Variants in MTUS2 observed in about 807,000 individuals in gnomAD.
MTUS2 encodes the protein microtubule-associated tumor suppressor candidate 2.
Under a neutral mutation model 114.1 loss-of-function variants are expected in MTUS2, and 40 were observed. The observed-to-expected ratio is 0.35, with a 90% CI of 0.27 to 0.46. The LOEUF is 0.46. MTUS2 is among the 20% of genes least tolerant of loss of function. The pLI is 1.00. For missense variants in MTUS2, 1,679 were observed against 1,705.4 expected (o/e 0.98, Z 0.27); for synonymous variants, 688 against 672.0 (o/e 1.02, Z -0.37).
At chr13:29,347,997 G>A (rs1868876959) in intron 7 of MTUS2, among the ~76,000 whole-genome samples, 1 of 125,762 alleles carries the variant, frequency 8.0e-6, no homozygotes, top group African/African-American at 2.6e-5. Context: ...GAGAGAGGTT[G>A]CTCCACCCTA....
chr13:29,077,195 A>G (rs1334911602), intron 4 of MTUS2, among the ~76,000 whole-genome samples: 1 of 152,128 alleles, frequency 6.6e-6, no homozygotes, highest in Admixed American at 6.6e-5. Flanking sequence ...TAGCCCTAAT[A>G]CTACAGAGTT....
intron 5 of MTUS2, among the ~76,000 whole-genome samples, chr13:29,168,888 C>CTCTGTGTGTGTGTGTG (rs1555246528): frequency 7.2e-6 from 1 of 138,382 alleles, no homozygotes; most frequent in Non-Finnish European, 1.5e-5. Flanking sequence ...CTTTATGAAT[C>CTCTGTGTGTGTGTGTG]TGTGTGTGTG....
At position 29,353,425 on chromosome 13, in the gene MTUS2, C is replaced by T. The variant is rs146359134; in HGVS notation, c.2906-5837C>T. 2.4e-3 allele frequency among the ~76,000 whole-genome samples: 360 copies of T among 152,240 alleles called. 5 individuals are homozygous for T. The East Asian group carries it at 0.035, about 15-fold the overall frequency. ...AAGCAATCTTCCTGCCTCAGCCTCCCAAAGTGCTGGGATTACAGACACACA... is the reference window on the plus strand; with the variant it reads ...AAGCAATCTTCCTGCCTCAGCCTCCTAAAGTGCTGGGATTACAGACACACA... On this transcript the variant is annotated intron_variant, in intron 7 of 15. Coordinates refer to ENST00000612955, the MANE Select transcript of MTUS2 (RefSeq NM_001033602.4).
chr13:29,346,646 C>T (rs867331798), intron 7 of MTUS2, among the ~76,000 whole-genome samples: 2 of 125,068 alleles, frequency 1.6e-5, no homozygotes, highest in Non-Finnish European at 1.6e-5. Context: ...AGCTTCTGTG[C>T]GCCTGTCTGT....
intron 5 of MTUS2, among the ~76,000 whole-genome samples, chr13:29,259,915 A>G (rs1856226294): frequency 6.6e-6 from 1 of 152,216 alleles, no homozygotes; most frequent in Non-Finnish European, 1.5e-5. Flanking sequence ...ATGAGAACAC[A>G]GGTTGAGGCA....
rs116883956 is a variant in MTUS2 at position 29,367,819 on chromosome 13, C to T, written c.3117+8346C>T. ...AAATGTTTAAAGGGGTCATGGGTTC[C>T]TTTGAAGAAATCTGCTCCGGAACTG... On this transcript the variant is annotated intron_variant, in intron 8 of 15. Transcript: ENST00000612955. 7.8e-3 allele frequency among the ~76,000 whole-genome samples: 1,192 copies of T among 152,148 alleles called. 10 individuals are homozygous for T. The highest frequency in any genetic ancestry group is 0.012 in the Admixed American group (181 of 15,282).
chr13:29,171,156 G>GTT (rs948132149), intron 5 of MTUS2, among the ~76,000 whole-genome samples: 2 of 151,896 alleles, frequency 1.3e-5, no homozygotes, highest in African/African-American at 4.8e-5. Context: ...GTGTGTGTGT[G>GTT]TGTATGTGTG....
chr13:29,365,693 A>T (rs1358265065), intron 8 of MTUS2, among the ~76,000 whole-genome samples: 2 of 152,152 alleles, frequency 1.3e-5, no homozygotes, highest in East Asian at 3.9e-4. Context: ...ATATTCTGGG[A>T]TACAGAATTC....
chr13:29,300,605 T>C (rs1593277358), intron 6 of MTUS2, among the ~76,000 whole-genome samples: 1 of 151,630 alleles, frequency 6.6e-6, no homozygotes, highest in East Asian at 1.9e-4. Context: ...AAACTTTCCA[T>C]TTCTTTTCAG....
chr13:29,363,550 CA>C (rs944586769), intron 8 of MTUS2, among the ~76,000 whole-genome samples: 2 of 151,666 alleles, frequency 1.3e-5, no homozygotes, highest in African/African-American at 2.4e-5. Context: ...CCTTTTATCA[CA>C]AAAAAAATTT....
intron 2 of MTUS2, among the ~76,000 whole-genome samples, chr13:29,014,123 C>G (rs769372890): frequency 5.3e-5 from 8 of 152,152 alleles, no homozygotes; most frequent in Non-Finnish European, 1.0e-4. Context: ...TCTCGCCTCC[C>G]TAACCCAGGA....
rs150620204 is a variant in MTUS2 at position 29,196,464 on chromosome 13, A to G, written c.2645-85240A>G. ...TTTTTTTGACTGTGGGAAAATGCAC[A>G]TAACATCAAATTTACTATCTTAACC... On this transcript the variant is annotated intron_variant, in intron 5 of 15. Coordinates refer to ENST00000612955, the MANE Select transcript of MTUS2 (RefSeq NM_001033602.4). Among the ~76,000 whole-genome samples, 7 of 152,162 alleles carry G rather than the reference A, an allele frequency of 4.6e-5. No homozygotes were observed. In the East Asian group the frequency reaches 9.6e-4, roughly 21 times the overall value.
chr13:29,428,613 CT>C, intron 8 of MTUS2: 1 of 290,616 alleles, frequency 3.4e-6, no homozygotes, highest in Non-Finnish European at 5.5e-6. Context: ...CCCGCCCTCC[CT>C]CCCGCAGCAG....
intron 1 of MTUS2, among the ~76,000 whole-genome samples, chr13:28,839,132 T>G (rs1024055807): frequency 4.6e-5 from 7 of 152,180 alleles, no homozygotes; most frequent in African/African-American, 1.7e-4. Context: ...CCTCCACATT[T>G]GGGAGGAAAA....
chr13:29,187,982 C>T (rs901464571), intron 5 of MTUS2, among the ~76,000 whole-genome samples: 22 of 152,200 alleles, frequency 1.4e-4, no homozygotes, highest in African/African-American at 5.3e-4. Context: ...TTCCACATTT[C>T]CCCATAGAAG....
intron 1 of MTUS2, among the ~76,000 whole-genome samples, chr13:28,830,362 GT>G (rs2137947417): frequency 6.6e-6 from 1 of 152,252 alleles, no homozygotes; most frequent in Admixed American, 6.5e-5. Context: ...TATTATAAAT[GT>G]GTTCGAAGAG....
chr13:29,036,961 C>T (rs369436163), intron 4 of MTUS2, among the ~76,000 whole-genome samples: 73 of 151,754 alleles, frequency 4.8e-4, no homozygotes, highest in Non-Finnish European at 8.7e-4. Context: ...GATTCTTTAT[C>T]GAATTTGCCA....
intron 6 of MTUS2, among the ~76,000 whole-genome samples, chr13:29,314,639 G>A (rs1899911671): frequency 6.6e-6 from 1 of 152,172 alleles, no homozygotes; most frequent in Non-Finnish European, 1.5e-5. Context: ...GATGAATAGA[G>A]AAAACAGCTT....
chr13:29,474,213 C>T (rs1266686205), intron 9 of MTUS2, among the ~76,000 whole-genome samples: 1 of 152,048 alleles, frequency 6.6e-6, no homozygotes, highest in Non-Finnish European at 1.5e-5. Context: ...TGAGGTGTAC[C>T]CAGTTTGTGA....
Sources: gnomAD v4.1 joint callset for allele counts (sites outside exome capture counted in the v4.1 genomes callset) on GRCh38, gnomAD v4.1.1 for gene constraint, MANE v1.5 for transcripts, NCBI Gene and HGNC (gene_info 2026-07-23, HGNC 2026-07-21) for gene names.